The following SCYL3 variants were observed in gnomAD, a reference collection of about 807,000 sequenced individuals.
SCYL3 encodes SCY1 like pseudokinase 3.
A neutral mutation model predicts 73.8 loss-of-function variants in SCYL3; 35 were observed. That is an observed-to-expected ratio of 0.47 (90% CI 0.36 to 0.63). The LOEUF is 0.63. Ranked by LOEUF, SCYL3 falls within the 20% of genes least tolerant of loss-of-function variation. The pLI is 0.00. For missense variants in SCYL3, 712 were observed against 798.9 expected, an observed-to-expected ratio of 0.89 and a Z score of 1.31; for synonymous variants, 277 against 295.2, an observed-to-expected ratio of 0.94 and a Z score of 0.63.
intron 11 of SCYL3, among the ~76,000 whole-genome samples, chr1:169,856,488 T>C (rs1449990356): frequency 6.6e-6 from 1 of 152,118 alleles, no homozygotes; most frequent in Non-Finnish European, 1.5e-5. Flanking sequence ...AAAATGGGCA[T>C]TGGTCAATCA....
chr1:169,867,876 A>G (rs1279155895), intron 7 of SCYL3, among the ~76,000 whole-genome samples: 2 of 152,186 alleles, frequency 1.3e-5, no homozygotes, highest in East Asian at 3.8e-4. Flanking sequence ...CATTTTACAC[A>G]GAGTGATGAG....
At chr1:169,889,379 TATG>T (rs1391831895) in intron 1 of SCYL3, among the ~76,000 whole-genome samples, 1 of 152,152 alleles carries the variant, frequency 6.6e-6, no homozygotes, top group African/African-American at 2.4e-5. Flanking sequence ...ACATTGTTAA[TATG>T]ATGAAAAACA....
chr1:169,886,055 G>T (rs1157803777), intron 2 of SCYL3, among the ~76,000 whole-genome samples: 1 of 152,194 alleles, frequency 6.6e-6, no homozygotes, highest in Non-Finnish European at 1.5e-5. Flanking sequence ...GCTCATGCCT[G>T]TAATCCCAGC....
chr1:169,891,555 G>A (rs1254363200), intron 1 of SCYL3, among the ~76,000 whole-genome samples: 1 of 152,218 alleles, frequency 6.6e-6, no homozygotes, highest in Non-Finnish European at 1.5e-5. Flanking sequence ...AGTATCTGAA[G>A]CTAGTCTGAC....
At chr1:169,864,229 T>C (rs1659864293) in intron 9 of SCYL3, 140 bp downstream of exon 9, 1 of 1,096,054 alleles carries the variant, frequency 9.1e-7, no homozygotes, top group Middle Eastern at 2.3e-4. Context: ...ATTAAAGTTA[T>C]CACATCAGGG....
In SCYL3 at chr1:169,852,527, T is replaced by C. The variant is rs553412158; in HGVS notation, c.*1186A>G. On this transcript the variant is annotated 3_prime_UTR_variant, in exon 13 of 13. Coordinates refer to ENST00000367771, the MANE Select transcript of SCYL3 (RefSeq NM_020423.7). ...AGCTTGGACTATGCAGCACTTCTCA[T>C]TGGGAGCCCTTTGGGACAGGATACT... 5 of 470,598 alleles carry C rather than the reference T, an allele frequency of 1.1e-5. No homozygotes were observed. The highest frequency in any genetic ancestry group is 3.9e-5 in the African/African-American group (2 of 51,444). 29.2% of individuals were successfully genotyped at this position (470,598 alleles called of 1,614,324 possible). A position where few individuals can be genotyped will look rare whatever the true frequency, so the allele number is the denominator to read the frequency against.
chr1:169,854,262 G>A lies in SCYL3; in HGVS notation c.2007+8C>T, dbSNP rs1471805611. On this transcript the variant is annotated splice_region_variant and intron_variant, in intron 12 of 12. Coordinates refer to ENST00000367771, the MANE Select transcript of SCYL3 (RefSeq NM_020423.7). The stretch of plus-strand genomic sequence containing the variant: ...TAGTAGCACAGTTTACTCCATAAAA[G>A]TACTCACCTCAGTAATTTCTGCTGC... The A allele has an allele frequency of 3.2e-6, 5 of 1,586,286 alleles. No homozygotes were observed. The highest frequency in any genetic ancestry group is 4.3e-6 in the Non-Finnish European group (5 of 1,167,846).
At position 169,850,488 on chromosome 1, in the gene SCYL3, A is replaced by C; in HGVS notation, c.*3225T>G. 1 of 594,406 alleles carries C rather than the reference A, an allele frequency of 1.7e-6. No homozygotes were observed. Among genetic ancestry groups the C allele is most frequent in the Non-Finnish European group, 3.0e-6 (1 of 336,136 alleles). 36.8% of individuals were successfully genotyped at this position (594,406 alleles called of 1,614,324 possible). A position where few individuals can be genotyped will look rare whatever the true frequency, so the allele number is the denominator to read the frequency against. On this transcript the variant is annotated 3_prime_UTR_variant, in exon 13 of 13. Coordinates refer to ENST00000367771, the MANE Select transcript of SCYL3 (RefSeq NM_020423.7). ...CAGTGCTGACGACTTTTACTAAGCA[A>C]TTGAGGCCACAGAAGTAAAACACTT...
At chr1:169,880,326 A>G (rs1165147151) in intron 2 of SCYL3, among the ~76,000 whole-genome samples, 1 of 152,182 alleles carries the variant, frequency 6.6e-6, no homozygotes, top group African/African-American at 2.4e-5. Context: ...ATATAAAACA[A>G]GATAAATTTT....
chr1:169,881,931 A>G (rs1405319085), intron 2 of SCYL3, among the ~76,000 whole-genome samples: 4 of 152,220 alleles, frequency 2.6e-5, no homozygotes, highest in Non-Finnish European at 5.9e-5. Context: ...TCTAATACTG[A>G]GAGGTGACAG....
At chr1:169,887,856 A>G (rs1288031545) in intron 2 of SCYL3, among the ~76,000 whole-genome samples, 2 of 152,208 alleles carry the variant, frequency 1.3e-5, no homozygotes, top group Non-Finnish European at 2.9e-5. Context: ...TTAAAAAAAT[A>G]AAAACAATTT....
chr1:169,858,730 G>C (rs1659386182), intron 11 of SCYL3, among the ~76,000 whole-genome samples: 1 of 151,710 alleles, frequency 6.6e-6, no homozygotes, highest in Non-Finnish European at 1.5e-5. Flanking sequence ...CCATTATAAT[G>C]TCATGAGACC....
intron 2 of SCYL3, 44 bp from the exon 3 acceptor site, chr1:169,878,863 C>G: frequency 6.5e-7 from 1 of 1,533,768 alleles, no homozygotes; most frequent in Non-Finnish European, 8.9e-7. Context: ...TGACCCCAAA[C>G]CAGATTATAG....
At chr1:169,878,020 C>A (rs6679994) in intron 3 of SCYL3, among the ~76,000 whole-genome samples, 5,024 of 152,162 alleles carry the variant, frequency 0.033, 132 homozygotes, top group Non-Finnish European at 0.054. Context: ...AATGCAAATA[C>A]CATTAAGAAA....
intron 11 of SCYL3, among the ~76,000 whole-genome samples, chr1:169,855,358 T>C (rs966708324): frequency 7.2e-5 from 11 of 152,222 alleles, no homozygotes; most frequent in African/African-American, 2.2e-4. Flanking sequence ...ACTCAACTTA[T>C]TAACCTCACT....
chr1:169,868,541 A>G (rs1475158080), intron 7 of SCYL3, among the ~76,000 whole-genome samples: 1 of 152,236 alleles, frequency 6.6e-6, no homozygotes. Flanking sequence ...GAAAAACTGA[A>G]TAATAATAAA....
chr1:169,877,738 A>C lies in SCYL3; in HGVS notation c.351+896T>G, dbSNP rs2102189263. Among the ~76,000 whole-genome samples, 2 of 152,342 alleles carry C rather than the reference A, an allele frequency of 1.3e-5. 1 individual carries two copies. Among genetic ancestry groups the C allele is most frequent in the Middle Eastern group, 6.8e-3 (2 of 294 alleles). ...GATGGGAGAGGGACACCTCACCCAC[A>C]TACTGTACAAACTTTTTAACCATGT... On this transcript the variant is annotated intron_variant, in intron 3 of 12. Transcript: ENST00000367771.
intron 10 of SCYL3, 119 bp from the exon 11 acceptor site, chr1:169,859,331 ATG>A: frequency 1.0e-6 from 1 of 978,728 alleles, no homozygotes; most frequent in Non-Finnish European, 1.5e-6. Context: ...TATCTTAGAT[ATG>A]TGTTCCAGGT....
At chr1:169,883,952 C>T (rs1214646113) in intron 2 of SCYL3, among the ~76,000 whole-genome samples, 1 of 151,988 alleles carries the variant, frequency 6.6e-6, no homozygotes, top group African/African-American at 2.4e-5. Context: ...GAACTCCTGA[C>T]CTTGTGATCC....
Sources: allele counts gnomAD v4.1 joint callset (sites outside exome capture counted in the v4.1 genomes callset), GRCh38; gene constraint gnomAD v4.1.1; transcripts MANE v1.5; gene names NCBI Gene and HGNC (gene_info 2026-07-23, HGNC 2026-07-21).